STAG1: variants seen among roughly 807,000 people sequenced by gnomAD.
STAG1 encodes the protein cohesin subunit SA-1.
Under a neutral mutation model 170.9 loss-of-function variants are expected in STAG1, and 26 were observed. That is an observed-to-expected ratio of 0.15 (90% CI 0.11 to 0.21). The LOEUF (loss-of-function observed/expected upper bound fraction) is 0.21, where lower values mean the gene tolerates loss of function less well. Ranked by LOEUF, STAG1 falls within the 10% of genes least tolerant of loss-of-function variation. The pLI is 1.00. For synonymous variants in STAG1, 514 were observed against 497.7 expected, an observed-to-expected ratio of 1.03 and a Z score of -0.44; for missense variants, 964 against 1,509.5, an observed-to-expected ratio of 0.64 and a Z score of 5.99.
At chr3:136,548,779 A>T (rs183134384) in intron 5 of STAG1, among the ~76,000 whole-genome samples, 1 of 152,206 alleles carries the variant, frequency 6.6e-6, no homozygotes, top group African/African-American at 2.4e-5. Flanking sequence ...CTCATGTCAA[A>T]TTGTAATCCC....
intron 15 of STAG1, among the ~76,000 whole-genome samples, chr3:136,441,683 G>C (rs537587205): frequency 6.6e-6 from 1 of 152,228 alleles, no homozygotes; most frequent in South Asian, 2.1e-4. Context: ...CTACTGCGGG[G>C]GATGGCTCAT....
At chr3:136,354,929 A>G (rs1043982711) in intron 28 of STAG1, among the ~76,000 whole-genome samples, 5 of 152,130 alleles carry the variant, frequency 3.3e-5, no homozygotes, top group Non-Finnish European at 7.4e-5. Context: ...AAGGATGGAA[A>G]AAAAGGTGTA....
chr3:136,669,350 T>C (rs2107873871), intron 1 of STAG1, among the ~76,000 whole-genome samples: 1 of 152,170 alleles, frequency 6.6e-6, no homozygotes, highest in Admixed American at 6.5e-5. Flanking sequence ...CTTACTTGAA[T>C]TTTCTTTCTT....
At chr3:136,372,899 AT>A (rs1211728339) in intron 23 of STAG1, among the ~76,000 whole-genome samples, 1 of 152,032 alleles carries the variant, frequency 6.6e-6, no homozygotes, top group Non-Finnish European at 1.5e-5. Flanking sequence ...TTTTCTATTG[AT>A]TGGAATAGTT....
intron 1 of STAG1, among the ~76,000 whole-genome samples, chr3:136,637,198 T>C (rs1940599675): frequency 6.6e-6 from 1 of 152,240 alleles, no homozygotes; most frequent in Non-Finnish European, 1.5e-5. Context: ...CCAAACTCTT[T>C]TCCCAGTAAA....
chr3:136,524,865 G>C (rs1047306540), intron 6 of STAG1, among the ~76,000 whole-genome samples: 4 of 152,182 alleles, frequency 2.6e-5, no homozygotes, highest in Admixed American at 6.5e-5. Context: ...TGTGGTTTTT[G>C]TCTTTGGTTC....
chr3:136,464,754 C>G, intron 13 of STAG1, 127 bp downstream of exon 13: 1 of 693,954 alleles, frequency 1.4e-6, no homozygotes, highest in Non-Finnish European at 2.4e-6. Context: ...GCTGTTATAG[C>G]CCCTGGAGTA....
chr3:136,569,010 G>C, intron 4 of STAG1, 149 bp from the exon 5 acceptor site: 1 of 599,282 alleles, frequency 1.7e-6, no homozygotes, highest in Non-Finnish European at 2.9e-6. Flanking sequence ...CCTAATAAAA[G>C]TAGAGACTCC....
intron 7 of STAG1, among the ~76,000 whole-genome samples, chr3:136,509,405 A>AG (rs1234923805): frequency 1.3e-5 from 2 of 152,018 alleles, no homozygotes; most frequent in Non-Finnish European, 2.9e-5. Context: ...AAAAAAAAAA[A>AG]AAAGTAAAGC....
At chr3:136,385,980 G>A (rs929495973) in intron 22 of STAG1, among the ~76,000 whole-genome samples, 4 of 152,168 alleles carry the variant, frequency 2.6e-5, no homozygotes, top group Non-Finnish European at 4.4e-5. Flanking sequence ...GGGCTTACGG[G>A]CATTAGCCAC....
At chr3:136,434,448 G>A (rs963962435) in intron 15 of STAG1, among the ~76,000 whole-genome samples, 5 of 152,158 alleles carry the variant, frequency 3.3e-5, no homozygotes, top group East Asian at 1.9e-4. Flanking sequence ...TTAGTTAAGT[G>A]GAATATATTT....
At chr3:136,525,332 A>G (rs1934951330) in intron 6 of STAG1, among the ~76,000 whole-genome samples, 2 of 152,174 alleles carry the variant, frequency 1.3e-5, no homozygotes, top group South Asian at 4.2e-4. Flanking sequence ...GGGAGGGTGT[A>G]TGTGTCCAGG....
intron 23 of STAG1, among the ~76,000 whole-genome samples, chr3:136,371,236 T>C (rs1277998767): frequency 2.6e-5 from 4 of 152,238 alleles, no homozygotes; most frequent in African/African-American, 7.2e-5. Flanking sequence ...TCTGAGTTCA[T>C]TGTAGATTCT....
chr3:136,338,321 A>T (rs1935787000), intron 33 of STAG1, 44 bp from the exon 34 acceptor site: 1 of 1,587,876 alleles, frequency 6.3e-7, no homozygotes, highest in Admixed American at 1.7e-5. Flanking sequence ...TCATGCATAA[A>T]CAGGACCCAG....
chr3:136,397,083 G>T (rs552077337), intron 22 of STAG1, among the ~76,000 whole-genome samples: 13 of 152,164 alleles, frequency 8.5e-5, no homozygotes, highest in Non-Finnish European at 1.5e-4. Flanking sequence ...ATATGCAAAT[G>T]CATTACTCAT....
chr3:136,701,180 C>T lies in STAG1; in HGVS notation c.-84+51015G>A, dbSNP rs149987619. Among the ~76,000 whole-genome samples the T allele has an allele frequency of 8.2e-3, 1,250 of 152,204 alleles. 11 individuals carry two copies. The highest frequency in any genetic ancestry group is 0.014 in the Middle Eastern group (4 of 294). On this transcript the variant is annotated intron_variant, in intron 1 of 33. Transcript: ENST00000383202. ...TCCCAAAGTGAGCCACTGCACCCAG[C>T]CTGCTCTCAACTATTTTAAGTTGAC...
chr3:136,587,738 T>A (rs1392991320), intron 4 of STAG1, among the ~76,000 whole-genome samples: 1 of 152,130 alleles, frequency 6.6e-6, no homozygotes, highest in Non-Finnish European at 1.5e-5. Context: ...GTAGATCACC[T>A]GAGGTCAGGA....
intron 9 of STAG1, among the ~76,000 whole-genome samples, chr3:136,498,210 T>TTATATATATATATATATATATATA (rs374645920): frequency 1.3e-3 from 64 of 50,768 alleles, no homozygotes; most frequent in Admixed American, 1.7e-3. Flanking sequence ...AAAAAAAAAA[T>TTATATATATATATATATATATATA]TATATATATA....
intron 12 of STAG1, among the ~76,000 whole-genome samples, chr3:136,468,798 T>C (rs959701446): frequency 6.6e-6 from 1 of 151,988 alleles, no homozygotes; most frequent in South Asian, 2.1e-4. Context: ...ATGATCAAGT[T>C]GGCTTCATCC....
Sources: gnomAD v4.1 joint callset for allele counts (sites outside exome capture counted in the v4.1 genomes callset) on GRCh38, gnomAD v4.1.1 for gene constraint, MANE v1.5 for transcripts, NCBI Gene and HGNC (gene_info 2026-07-23, HGNC 2026-07-21) for gene names.